The following RGS7 variants were observed in gnomAD, a reference collection of about 807,000 sequenced individuals.
RGS7 encodes the protein regulator of G-protein signaling 7.
A neutral mutation model predicts 81.1 loss-of-function variants in RGS7; 27 were observed. That is an observed-to-expected ratio of 0.33 (90% CI 0.25 to 0.46). The LOEUF is 0.46. Ranked by LOEUF, RGS7 falls within the 20% of genes least tolerant of loss-of-function variation. RGS7 has a pLI of 1.00. For synonymous variants in RGS7, 208 were observed against 207.7 expected (o/e 1.00, Z -0.01); for missense variants, 396 against 607.4 (o/e 0.65, Z 3.66).
chr1:240,952,976 A>G (rs1165398468), intron 4 of RGS7, among the ~76,000 whole-genome samples: 3 of 152,100 alleles, frequency 2.0e-5, no homozygotes, highest in Admixed American at 2.0e-4. Flanking sequence ...ATCTAAAGAG[A>G]TCAATTCTTC....
chr1:240,929,815 A>G (rs1228802740), intron 6 of RGS7, among the ~76,000 whole-genome samples: 1 of 152,198 alleles, frequency 6.6e-6, no homozygotes, highest in African/African-American at 2.4e-5. Flanking sequence ...GGAAGACCCC[A>G]GGGAAAGTCA....
chr1:241,239,219 G>A (rs1002636720), intron 2 of RGS7, among the ~76,000 whole-genome samples: 1 of 151,612 alleles, frequency 6.6e-6, no homozygotes. Flanking sequence ...TGCCTCCCAC[G>A]GCCTCACAAA....
intron 2 of RGS7, among the ~76,000 whole-genome samples, chr1:241,300,375 T>A (rs2079679687): frequency 6.6e-6 from 1 of 152,184 alleles, no homozygotes. Context: ...ATATCCACCA[T>A]TAGGGTATCA....
chr1:241,326,994 A>AGAGG (rs2081537615), intron 2 of RGS7, among the ~76,000 whole-genome samples: 1 of 40,194 alleles, frequency 2.5e-5, no homozygotes, highest in Non-Finnish European at 4.6e-5. Flanking sequence ...AAAGGCAGGA[A>AGAGG]GAAGGAAGGA....
chr1:240,990,875 T>A (rs1210452167), intron 3 of RGS7, among the ~76,000 whole-genome samples: 1 of 152,270 alleles, frequency 6.6e-6, no homozygotes, highest in Non-Finnish European at 1.5e-5. Flanking sequence ...AGCAGTCATT[T>A]AAATGCATTT....
At chr1:241,147,780 T>TTATATATATATATATATATATATATA (rs200770896) in intron 2 of RGS7, among the ~76,000 whole-genome samples, 1 of 44,604 alleles carries the variant, frequency 2.2e-5, no homozygotes, top group Non-Finnish European at 4.5e-5. Context: ...AGATTAAGTT[T>TTATATATATATATATATATATATATA]TATATATATA....
chr1:241,247,265 A>C (rs1202490532), intron 2 of RGS7, among the ~76,000 whole-genome samples: 4 of 152,224 alleles, frequency 2.6e-5, no homozygotes, highest in African/African-American at 9.6e-5. Context: ...GATTGGTTTT[A>C]CAGTAGCACC....
intron 2 of RGS7, among the ~76,000 whole-genome samples, chr1:241,306,569 T>A (rs1461721413): frequency 1.3e-5 from 2 of 149,674 alleles, no homozygotes; most frequent in African/African-American, 4.9e-5. Flanking sequence ...TACACATATG[T>A]CCACACACGT....
chr1:240,932,548 GC>G (rs1675652987), intron 5 of RGS7, among the ~76,000 whole-genome samples: 1 of 118,052 alleles, frequency 8.5e-6, no homozygotes. Context: ...TCACTCTGTT[GC>G]CCAGGCTGGA....
chr1:241,137,798 A>G (rs2067628054), intron 2 of RGS7, among the ~76,000 whole-genome samples: 1 of 152,254 alleles, frequency 6.6e-6, no homozygotes, highest in Non-Finnish European at 1.5e-5. Flanking sequence ...ATGAGTTACA[A>G]AGGTGTGTGC....
At chr1:241,264,566 T>C (rs2077491847) in intron 2 of RGS7, among the ~76,000 whole-genome samples, 1 of 152,172 alleles carries the variant, frequency 6.6e-6, no homozygotes, top group Non-Finnish European at 1.5e-5. Context: ...TCAAGAACAC[T>C]CTTTCTGCTC....
intron 2 of RGS7, among the ~76,000 whole-genome samples, chr1:241,214,385 T>C (rs896651519): frequency 6.6e-6 from 1 of 152,168 alleles, no homozygotes; most frequent in Admixed American, 6.5e-5. Flanking sequence ...TATAAGCTAG[T>C]TTAAACAATT....
intron 3 of RGS7, among the ~76,000 whole-genome samples, chr1:240,992,865 A>T (rs1425818153): frequency 7.5e-6 from 1 of 133,290 alleles, no homozygotes; most frequent in Non-Finnish European, 1.7e-5. Context: ...AAAAAAAAAT[A>T]TTAGCCGGGC....
chr1:240,821,361 A>G (rs1184427578), intron 10 of RGS7, among the ~76,000 whole-genome samples: 1 of 152,188 alleles, frequency 6.6e-6, no homozygotes, highest in Non-Finnish European at 1.5e-5. Flanking sequence ...CTGAGACAGG[A>G]GAATCACTTG....
chr1:241,153,255 C>T (rs1303586078), intron 2 of RGS7, among the ~76,000 whole-genome samples: 1 of 146,698 alleles, frequency 6.8e-6, no homozygotes. Flanking sequence ...AGTGGTGACA[C>T]CTGCCATGAG....
intron 2 of RGS7, among the ~76,000 whole-genome samples, chr1:241,346,839 C>T (rs2082925635): frequency 6.6e-6 from 1 of 152,022 alleles, no homozygotes; most frequent in Admixed American, 6.6e-5. Context: ...AACAAAATAC[C>T]AAATATAAAA....
At position 241,329,382 on chromosome 1, in the gene RGS7, A is replaced by G. The variant is rs80299564; in HGVS notation, c.78+26317T>C. ...TGTCAATAAGATCAGAACATGTACA[A>G]TAGTCAGTTGGTTGCTTACGGAGTT... On this transcript the variant is annotated intron_variant, in intron 2 of 18. Coordinates refer to ENST00000440928, the MANE Select transcript of RGS7 (RefSeq NM_001364886.1). Among the ~76,000 whole-genome samples, 1,033 of 152,310 alleles carry G rather than the reference A, an allele frequency of 6.8e-3. 9 individuals are homozygous for G. Among genetic ancestry groups the G allele is most frequent in the Middle Eastern group, 0.01 (3 of 294 alleles).
Position 241,017,313 on chromosome 1 carries a change from C to T in RGS7, c.176-34184G>A, listed in dbSNP as rs539747870. On this transcript the variant is annotated intron_variant, in intron 3 of 18. Coordinates refer to ENST00000440928, the MANE Select transcript of RGS7 (RefSeq NM_001364886.1). The stretch of plus-strand genomic sequence containing the variant: ...AAAATTAGCTGGGCGTGGTGGCGCA[C>T]GCCTGTAATTCCAGCTACCAGGGAG... 8.6e-5 allele frequency among the ~76,000 whole-genome samples: 13 copies of T among 152,040 alleles called. No individual in the cohort carries two copies. The South Asian group carries it at 2.1e-3, about 24-fold the overall frequency.
intron 2 of RGS7, among the ~76,000 whole-genome samples, chr1:241,114,390 T>A (rs2065743979): frequency 6.6e-6 from 1 of 152,146 alleles, no homozygotes; most frequent in Non-Finnish European, 1.5e-5. Context: ...TGCCTTTGAG[T>A]CTTTGCCAGA....
Sources: allele counts gnomAD v4.1 joint callset (sites outside exome capture counted in the v4.1 genomes callset), GRCh38; gene constraint gnomAD v4.1.1; transcripts MANE v1.5; gene names NCBI Gene and HGNC (gene_info 2026-07-23, HGNC 2026-07-21).